MR1: variants seen among roughly 807,000 people sequenced by gnomAD.
MR1 encodes the protein major histocompatibility complex, class I-related, also known as major histocompatibility complex class I-related protein 1.
A neutral mutation model predicts 37.8 loss-of-function variants in MR1; 44 were observed. The ratio of observed to expected loss-of-function variants is 1.16; its 90% confidence interval spans 0.91 to 1.50. MR1 has a LOEUF of 1.50. MR1 is among the 40% of genes most tolerant of loss of function. The pLI is 0.00. For missense variants in MR1, 386 were observed against 419.1 expected (o/e 0.92, Z 0.69); for synonymous variants, 153 against 155.8 (o/e 0.98, Z 0.13).
At chr1:181,047,526 G>C (rs1003789475) in intron 1 of MR1, among the ~76,000 whole-genome samples, 7 of 150,018 alleles carry the variant, frequency 4.7e-5, no homozygotes, top group African/African-American at 1.7e-4. Flanking sequence ...TTGAACCCAG[G>C]AGGCAGAGGT....
rs768216742 is a variant in MR1, at chr1:181,052,503, C to G, written c.873C>G (p.Val291=). Residue 291 remains valine (V), a synonymous_variant, in exon 4 of 6, where the codon GTC becomes GTG. Coordinates refer to ENST00000367580, the MANE Select transcript of MR1 (RefSeq NM_001385161.1). The stretch of plus-strand genomic sequence containing the variant: ...GCGGTGTCCACATGGTTCTTCAGGT[C>G]CCCCAGGGTAAGGACGGGGATCGTG... ...EHCGVHMVLQ[V]PQESETIPLV... 1 of 1,610,386 alleles carries G rather than the reference C, an allele frequency of 6.2e-7. No homozygotes were observed. The highest frequency in any genetic ancestry group is 8.5e-7 in the Non-Finnish European group (1 of 1,176,900).
intron 1 of MR1, among the ~76,000 whole-genome samples, chr1:181,039,004 C>T (rs569857707): frequency 1.9e-4 from 29 of 152,106 alleles, no homozygotes; most frequent in African/African-American, 6.5e-4. Flanking sequence ...AGAGTTTCTC[C>T]GTGTTGGCAA....
intron 1 of MR1, among the ~76,000 whole-genome samples, chr1:181,039,683 T>C (rs1657453894): frequency 6.6e-6 from 1 of 151,958 alleles, no homozygotes; most frequent in Admixed American, 6.6e-5. Flanking sequence ...CTGACCAACA[T>C]GGTGAAACCC....
In MR1 at chr1:181,053,022, A is replaced by G. The variant is rs976654892; in HGVS notation, c.880+512A>G. ...GGAGGTTGCAGTGAGCCGAGATCGC[A>G]CCACTACACTCCAGCCTGTGCGAAG... On this transcript the variant is annotated intron_variant, in intron 4 of 5. Coordinates refer to ENST00000367580, the MANE Select transcript of MR1 (RefSeq NM_001385161.1). Among the ~76,000 whole-genome samples the G allele has an allele frequency of 5.9e-5, 9 of 152,194 alleles. No individual in the cohort carries two copies. The East Asian group carries it at 1.7e-3, about 30-fold the overall frequency.
intron 1 of MR1, among the ~76,000 whole-genome samples, chr1:181,044,841 G>A (rs1372006306): frequency 6.6e-6 from 1 of 152,174 alleles, no homozygotes; most frequent in East Asian, 1.9e-4. Context: ...AAAAGTAGAG[G>A]TGTTTAATTG....
chr1:181,052,629 A>C, intron 4 of MR1, 119 bp downstream of exon 4: 1 of 1,124,012 alleles, frequency 8.9e-7, no homozygotes, highest in South Asian at 1.7e-5. Flanking sequence ...GTGCCTTAGA[A>C]TGGGTCTTTT....
chr1:181,049,538 C>G, intron 2 of MR1: 4 of 593,414 alleles, frequency 6.7e-6, no homozygotes, highest in Non-Finnish European at 1.2e-5. Context: ...CACTCTTCCC[C>G]ATCTCTGTAT....
At chr1:181,048,551 T>C (rs1446243409) in intron 1 of MR1, among the ~76,000 whole-genome samples, 1 of 151,048 alleles carries the variant, frequency 6.6e-6, no homozygotes, top group Non-Finnish European at 1.5e-5. Flanking sequence ...AAAAAAATGC[T>C]CAGTGCATGT....
In MR1 at chr1:181,052,423, T is replaced by G; in HGVS notation, c.793T>G (p.Ser265Ala). ...GGATGGAACCTATCAGGCGTGGGCA[T>G]CAATTGAGCTTGATCCTCAGAGCAG... ...SGDGTYQAWA[S>A]IELDPQSSNL... The change falls in exon 4 of 6, where the codon TCA (serine) becomes GCA (alanine). Residue 265 changes from serine to alanine, a missense_variant. Coordinates refer to ENST00000367580, the MANE Select transcript of MR1 (RefSeq NM_001385161.1). The G allele has an allele frequency of 6.2e-7, 1 of 1,614,206 alleles. No individual in the cohort carries two copies. Among genetic ancestry groups the G allele is most frequent in the Non-Finnish European group, 8.5e-7 (1 of 1,180,036 alleles).
At chr1:181,053,153 G>A (rs1311175837) in intron 4 of MR1, among the ~76,000 whole-genome samples, 2 of 151,806 alleles carry the variant, frequency 1.3e-5, no homozygotes, top group African/African-American at 4.8e-5. Flanking sequence ...AGGCTGACGC[G>A]AGTGAACTGC....
In MR1 at chr1:181,050,278, A is replaced by G. The variant is rs772851715; in HGVS notation, c.596A>G (p.Gln199Arg). ...RFLEYGKDTL[Q>R]RTEPPLVRVN... Reference sequence around the variant, plus strand: ...CTGGAGTATGGGAAAGACACCCTACAAAGAACAGGTAAAGAGAAAGAGAAG... The same window carrying G: ...CTGGAGTATGGGAAAGACACCCTACGAAGAACAGGTAAAGAGAAAGAGAAG... The change falls in exon 3 of 6, where the codon CAA becomes CGA. Residue 199 changes from glutamine (Q) to arginine (R), a missense_variant. Gln to Arg is a conservative substitution (Grantham distance 43, BLOSUM62 1). Coordinates refer to ENST00000367580, the MANE Select transcript of MR1 (RefSeq NM_001385161.1). 1.9e-6 allele frequency: 3 copies of G among 1,614,190 alleles called. No individual in the cohort carries two copies. In the South Asian group the frequency reaches 3.3e-5, roughly 18 times the overall value.
At chr1:181,035,670 T>TAA (rs1657234389) in intron 1 of MR1, among the ~76,000 whole-genome samples, 1 of 152,164 alleles carries the variant, frequency 6.6e-6, no homozygotes, top group African/African-American at 2.4e-5. Flanking sequence ...ACTGACTATT[T>TAA]GTAGTAGGTG....
At chr1:181,045,731 C>T (rs984805285) in intron 1 of MR1, among the ~76,000 whole-genome samples, 6 of 152,216 alleles carry the variant, frequency 3.9e-5, no homozygotes, top group South Asian at 2.1e-4. Context: ...CCCACTTTGG[C>T]GGCACTTGAG....
Position 181,061,183 on chromosome 1 carries a change from A to C in MR1, c.*5918A>C, listed in dbSNP as rs1658884391. ...TTGGTTGTAAATCTAGTTTGATTAC[A>C]TTTGTAATCAAATGATGGCCATTTG... On this transcript the variant is annotated 3_prime_UTR_variant, in exon 6 of 6. Transcript: ENST00000367580. 6.6e-6 allele frequency: 1 copy of C among 152,264 alleles called. No homozygotes were observed. Among genetic ancestry groups the C allele is most frequent in the South Asian group, 2.1e-4 (1 of 4,836 alleles). 9.4% of individuals were successfully genotyped at this position (152,264 alleles called of 1,614,324 possible). A position where few individuals can be genotyped will look rare whatever the true frequency, so the allele number is the denominator to read the frequency against.
At chr1:181,038,241 G>A (rs920241049) in intron 1 of MR1, among the ~76,000 whole-genome samples, 5 of 152,144 alleles carry the variant, frequency 3.3e-5, no homozygotes, top group East Asian at 3.8e-4. Context: ...TGTCACAGTC[G>A]CCACTTTTAT....
In MR1 at chr1:181,060,036, G is replaced by A. The variant is rs1658829718; in HGVS notation, c.*4771G>A. The A allele has an allele frequency of 6.6e-6, 1 of 152,154 alleles. No individual in the cohort carries two copies. Among genetic ancestry groups the A allele is most frequent in the Admixed American group, 6.5e-5 (1 of 15,272 alleles). The allele number at this position is 152,154 out of a possible 1,614,324, so 9.4% of individuals were successfully genotyped here. ...TGGCTTGGAACAACAGAAATTTATT[G>A]TTTCACAGTTCTGGAGGCCAGAAGT... On this transcript the variant is annotated 3_prime_UTR_variant, in exon 6 of 6. Transcript: ENST00000367580.
At chr1:181,044,468 C>T (rs1372371240) in intron 1 of MR1, among the ~76,000 whole-genome samples, 1 of 152,170 alleles carries the variant, frequency 6.6e-6, no homozygotes, top group East Asian at 1.9e-4. Flanking sequence ...CTCTTAGACA[C>T]AGGCAAGAGA....
Position 181,052,242 on chromosome 1 carries a change from A to G in MR1, c.612A>G (p.Pro204=). The G allele has an allele frequency of 6.2e-7, 1 of 1,613,714 alleles. No homozygotes were observed. The highest frequency in any genetic ancestry group is 1.1e-5 in the South Asian group (1 of 91,082). The change falls in exon 4 of 6, where the codon CCA becomes CCG. Residue 204 remains proline, a synonymous_variant. Transcript: ENST00000367580. ...TTAGCTTCTTCTTCCTAGAGCCCCC[A>G]CTGGTCAGAGTAAATCGCAAAGAAA... ...GKDTLQRTEP[P]LVRVNRKETF...
intron 1 of MR1, among the ~76,000 whole-genome samples, chr1:181,042,512 A>G (rs1410419967): frequency 7.2e-5 from 10 of 139,838 alleles, no homozygotes; most frequent in African/African-American, 2.6e-4. Flanking sequence ...AATCAAAAAT[A>G]TTTTTTAGGC....
Sources: allele counts gnomAD v4.1 joint callset (sites outside exome capture counted in the v4.1 genomes callset), GRCh38; gene constraint gnomAD v4.1.1; transcripts MANE v1.5; gene names NCBI Gene and HGNC (gene_info 2026-07-23, HGNC 2026-07-21).